FGGY: variants seen among roughly 807,000 people sequenced by gnomAD.
FGGY encodes the protein FGGY carbohydrate kinase domain containing, also known as FGGY carbohydrate kinase domain-containing protein.
In FGGY, 72 loss-of-function variants were observed where a neutral mutation model predicts 71.3. That is an observed-to-expected ratio of 1.01 (90% CI 0.84 to 1.23). The LOEUF (loss-of-function observed/expected upper bound fraction) is 1.23, where lower values mean the gene tolerates loss of function less well. Among genes scored for constraint, FGGY ranks in the 50% most tolerant of loss-of-function variants. FGGY has a pLI of 0.00. For missense variants in FGGY, 668 were observed against 682.3 expected, an observed-to-expected ratio of 0.98 and a Z score of 0.23; for synonymous variants, 251 against 250.3, an observed-to-expected ratio of 1.00 and a Z score of -0.02.
chr1:59,640,460 T>C (rs1328712509), intron 11 of FGGY, among the ~76,000 whole-genome samples: 1 of 152,172 alleles, frequency 6.6e-6, no homozygotes, highest in Non-Finnish European at 1.5e-5. Flanking sequence ...GCCGTAGATA[T>C]GAGTAAGATG....
At chr1:59,311,609 A>G (rs1194939520) in intron 1 of FGGY, among the ~76,000 whole-genome samples, 2 of 152,168 alleles carry the variant, frequency 1.3e-5, no homozygotes, top group Admixed American at 1.3e-4. Flanking sequence ...TCTATGGTAT[A>G]TATGTACCAC....
At chr1:59,669,869 G>A (rs758886996) in intron 13 of FGGY, among the ~76,000 whole-genome samples, 4 of 152,204 alleles carry the variant, frequency 2.6e-5, no homozygotes, top group Non-Finnish European at 5.9e-5. Flanking sequence ...CCTGGACTTT[G>A]TGAAAATGGG....
At chr1:59,539,213 T>G (rs1570946934) in intron 7 of FGGY, among the ~76,000 whole-genome samples, 1 of 152,242 alleles carries the variant, frequency 6.6e-6, no homozygotes, top group East Asian at 1.9e-4. Context: ...GTTCTATAGA[T>G]TCAGTGTACT....
chr1:59,584,907 C>T (rs907838447), intron 8 of FGGY, among the ~76,000 whole-genome samples: 1 of 138,928 alleles, frequency 7.2e-6, no homozygotes, highest in Non-Finnish European at 1.5e-5. Flanking sequence ...CTTGAGTGAA[C>T]TCCCATTCAC....
intron 1 of FGGY, among the ~76,000 whole-genome samples, chr1:59,307,229 G>A (rs901040582): frequency 2.0e-5 from 3 of 150,780 alleles, no homozygotes; most frequent in African/African-American, 4.9e-5. Flanking sequence ...TGGGAGAATG[G>A]CTTGAGCCCA....
intron 6 of FGGY, among the ~76,000 whole-genome samples, chr1:59,458,831 GA>G (rs2091944920): frequency 6.6e-6 from 1 of 152,162 alleles, no homozygotes; most frequent in South Asian, 2.1e-4. Flanking sequence ...GTTTCAGTCT[GA>G]ACCCAAAGTA....
At chr1:59,633,883 A>G (rs1232296429) in intron 10 of FGGY, among the ~76,000 whole-genome samples, 1 of 152,218 alleles carries the variant, frequency 6.6e-6, no homozygotes, top group African/African-American at 2.4e-5. Flanking sequence ...GGAAGACGTC[A>G]TATGTTTAAT....
At chr1:59,451,598 C>T (rs767611180) in intron 5 of FGGY, among the ~76,000 whole-genome samples, 3 of 152,084 alleles carry the variant, frequency 2.0e-5, no homozygotes, top group Non-Finnish European at 4.4e-5. Context: ...TCAGTGTCTA[C>T]TGGTTCCTCT....
intron 6 of FGGY, among the ~76,000 whole-genome samples, chr1:59,498,976 T>C (rs1246739999): frequency 6.6e-6 from 1 of 152,202 alleles, no homozygotes; most frequent in Admixed American, 6.5e-5. Flanking sequence ...GCTTCTGCTT[T>C]TGCACTGTAG....
intron 8 of FGGY, among the ~76,000 whole-genome samples, chr1:59,564,344 G>T (rs1456369207): frequency 6.6e-6 from 1 of 152,070 alleles, no homozygotes; most frequent in Non-Finnish European, 1.5e-5. Context: ...GTGTCTTTGG[G>T]CTCTAACCAC....
intron 5 of FGGY, among the ~76,000 whole-genome samples, chr1:59,437,643 A>G (rs2068769283): frequency 6.6e-6 from 1 of 152,246 alleles, no homozygotes; most frequent in African/African-American, 2.4e-5. Context: ...TGGAGATTAT[A>G]TCTGGTTATA....
In FGGY at chr1:59,506,246, A is replaced by C. The variant is rs565667632; in HGVS notation, c.671-6065A>C. ...GATATAAGAAACACAAACATTAGAGAAGAGTACCCTACACTGGATCCCAAC... is the reference window on the plus strand; with the variant it reads ...GATATAAGAAACACAAACATTAGAGCAGAGTACCCTACACTGGATCCCAAC... On this transcript the variant is annotated intron_variant, in intron 6 of 15. Transcript: ENST00000303721. Among the ~76,000 whole-genome samples, 226 of 152,326 alleles carry C rather than the reference A, an allele frequency of 1.5e-3. 3 individuals are homozygous for C. In the Middle Eastern group the frequency reaches 0.017, roughly 11 times the overall value.
chr1:59,590,827 A>G (rs1258486209), intron 8 of FGGY, among the ~76,000 whole-genome samples: 1 of 152,202 alleles, frequency 6.6e-6, no homozygotes, highest in Non-Finnish European at 1.5e-5. Flanking sequence ...CCCACAGCCA[A>G]TATCATACTG....
chr1:59,480,379 A>G (rs143024572), intron 6 of FGGY, among the ~76,000 whole-genome samples: 2 of 152,196 alleles, frequency 1.3e-5, no homozygotes, highest in African/African-American at 4.8e-5. Flanking sequence ...TTTTGCTTCC[A>G]GTATCGAGTC....
Position 59,647,597 on chromosome 1 carries a change from C to A in FGGY, c.1221+9222C>A, listed in dbSNP as rs189125784. On this transcript the variant is annotated intron_variant, in intron 11 of 15. Transcript: ENST00000303721. The stretch of plus-strand genomic sequence containing the variant: ...GAAGGTTCTGGGAAAAATCTGCTTC[C>A]ACACTCATTCAAGTGGTTGACCTAA... Among the ~76,000 whole-genome samples the A allele has an allele frequency of 5.5e-4, 83 of 152,228 alleles. 1 individual carries two copies. Among genetic ancestry groups the A allele is most frequent in the African/African-American group, 1.9e-3 (80 of 41,536 alleles).
chr1:59,546,529 GATGATGATTATT>G (rs1288507467), intron 7 of FGGY, among the ~76,000 whole-genome samples: 2 of 91,682 alleles, frequency 2.2e-5, no homozygotes, highest in Admixed American at 1.3e-4. Context: ...TGATGATGAT[GATGATGATTATT>G]ATTATTATTA....
intron 14 of FGGY, among the ~76,000 whole-genome samples, chr1:59,679,458 C>T (rs2153985736): frequency 6.6e-6 from 1 of 151,794 alleles, no homozygotes; most frequent in Admixed American, 6.6e-5. Context: ...GAAACCATCC[C>T]ATTTCTCGGT....
intron 8 of FGGY, among the ~76,000 whole-genome samples, chr1:59,592,720 G>C (rs557082282): frequency 6.7e-6 from 1 of 149,508 alleles, no homozygotes; most frequent in East Asian, 2.0e-4. Flanking sequence ...TCACTCATAG[G>C]TGGGAATTGA....
intron 2 of FGGY, among the ~76,000 whole-genome samples, chr1:59,323,659 G>A (rs1007476141): frequency 6.6e-6 from 1 of 152,202 alleles, no homozygotes; most frequent in African/African-American, 2.4e-5. Context: ...CGTTTATTAG[G>A]TTGTGATCTT....
Sources: allele counts gnomAD v4.1 joint callset (sites outside exome capture counted in the v4.1 genomes callset), GRCh38; gene constraint gnomAD v4.1.1; transcripts MANE v1.5; gene names NCBI Gene and HGNC (gene_info 2026-07-23, HGNC 2026-07-21).